The following TAFA4 variants were observed in gnomAD, a reference collection of about 807,000 sequenced individuals.
TAFA4 encodes the protein TAFA chemokine like family member 4, also known as chemokine-like protein TAFA-4.
A neutral mutation model predicts 21.1 loss-of-function variants in TAFA4; 20 were observed. That is an observed-to-expected ratio of 0.95 (90% CI 0.67 to 1.38). The LOEUF (loss-of-function observed/expected upper bound fraction) is 1.38, where lower values mean the gene tolerates loss of function less well. Among genes scored for constraint, TAFA4 ranks in the 40% most tolerant of loss-of-function variants. The pLI, the probability that TAFA4 is intolerant of heterozygous loss-of-function variation, is 0.00. For missense variants in TAFA4, 211 were observed against 180.9 expected (o/e 1.17, Z -0.95); for synonymous variants, 71 against 67.4 (o/e 1.05, Z -0.26).
At chr3:68,827,525 C>G (rs1361604962) in intron 3 of TAFA4, among the ~76,000 whole-genome samples, 4 of 152,222 alleles carry the variant, frequency 2.6e-5, no homozygotes, top group Admixed American at 2.0e-4. Context: ...CTTCCTATTT[C>G]TCCACATCCT....
intron 3 of TAFA4, among the ~76,000 whole-genome samples, chr3:68,808,160 T>C (rs1054478332): frequency 1.3e-5 from 2 of 152,258 alleles, no homozygotes; most frequent in Admixed American, 1.3e-4. Context: ...GTTAAGTTAC[T>C]AGTCAGAGTA....
chr3:68,744,643 A>C (rs1178441770), intron 4 of TAFA4, among the ~76,000 whole-genome samples: 1 of 152,174 alleles, frequency 6.6e-6, no homozygotes, highest in Admixed American at 6.5e-5. Flanking sequence ...GCCAAAACCT[A>C]GAAAAGGAGC....
chr3:68,917,871 C>G (rs1286407951), intron 1 of TAFA4, among the ~76,000 whole-genome samples: 1 of 151,922 alleles, frequency 6.6e-6, no homozygotes, highest in African/African-American at 2.4e-5. Flanking sequence ...CTCTGACACC[C>G]AGTTTGTGGA....
chr3:68,902,473 T>A (rs1422111685), intron 1 of TAFA4, among the ~76,000 whole-genome samples: 2 of 152,054 alleles, frequency 1.3e-5, no homozygotes, highest in Non-Finnish European at 2.9e-5. Flanking sequence ...GACCAAGTGA[T>A]CCTCCCACCT....
intron 3 of TAFA4, among the ~76,000 whole-genome samples, chr3:68,822,759 A>G (rs1704141881): frequency 6.6e-6 from 1 of 152,206 alleles, no homozygotes; most frequent in Non-Finnish European, 1.5e-5. Flanking sequence ...GGCATGAGCC[A>G]CTGCGCCTGG....
At chr3:68,910,815 C>T (rs2089954140) in intron 1 of TAFA4, among the ~76,000 whole-genome samples, 1 of 152,180 alleles carries the variant, frequency 6.6e-6, no homozygotes, top group Admixed American at 6.5e-5. Flanking sequence ...TAGTTCAGCA[C>T]CAAATCTCAT....
At chr3:68,824,473 C>T (rs963031377) in intron 3 of TAFA4, among the ~76,000 whole-genome samples, 2 of 152,212 alleles carry the variant, frequency 1.3e-5, no homozygotes, top group African/African-American at 2.4e-5. Flanking sequence ...TTCCACCTCT[C>T]CTGCCTCCTC....
At chr3:68,767,442 T>C (rs186609661) in intron 3 of TAFA4, among the ~76,000 whole-genome samples, 15 of 152,058 alleles carry the variant, frequency 9.9e-5, no homozygotes, top group Admixed American at 9.2e-4. Context: ...CATTTACACA[T>C]GCAAATAAAG....
At chr3:68,870,820 T>C (rs916513046) in intron 3 of TAFA4, among the ~76,000 whole-genome samples, 1 of 152,076 alleles carries the variant, frequency 6.6e-6, no homozygotes, top group African/African-American at 2.4e-5. Context: ...CACTTATGAG[T>C]GAGAACATGC....
chr3:68,784,284 G>C (rs1202726388), intron 3 of TAFA4, among the ~76,000 whole-genome samples: 1 of 152,202 alleles, frequency 6.6e-6, no homozygotes, highest in South Asian at 2.1e-4. Context: ...AGTGTGTCCG[G>C]AATTGGTGGG....
intron 1 of TAFA4, among the ~76,000 whole-genome samples, chr3:68,909,572 A>T (rs1159217393): frequency 6.6e-6 from 1 of 152,176 alleles, no homozygotes; most frequent in Non-Finnish European, 1.5e-5. Flanking sequence ...AGCCCCAAGG[A>T]GCTGGCTGAC....
intron 3 of TAFA4, among the ~76,000 whole-genome samples, chr3:68,797,410 G>A (rs534082580): frequency 7.9e-5 from 12 of 152,040 alleles, no homozygotes; most frequent in South Asian, 2.1e-4. Flanking sequence ...TCAGGAGAAC[G>A]AGACCATCCT....
intron 3 of TAFA4, among the ~76,000 whole-genome samples, chr3:68,772,814 TC>T (rs1702982834): frequency 6.6e-6 from 1 of 152,032 alleles, no homozygotes; most frequent in African/African-American, 2.4e-5. Flanking sequence ...ATGAGCCAGT[TC>T]CCCTAATAAT....
In TAFA4 at chr3:68,795,940, C is replaced by G. The variant is rs6804313; in HGVS notation, c.131-42922G>C. ...TGGGGCACCCCAAGCCCAGTAACACCGTGATTCTTGCACACTTGTAAAGTA... is the reference window on the plus strand; with the variant it reads ...TGGGGCACCCCAAGCCCAGTAACACGGTGATTCTTGCACACTTGTAAAGTA... On this transcript the variant is annotated intron_variant, in intron 3 of 5. Transcript: ENST00000295569. Among the ~76,000 whole-genome samples the G allele has an allele frequency of 6.7e-3, 1,023 of 152,250 alleles. 13 individuals carry two copies. Among genetic ancestry groups the G allele is most frequent in the African/African-American group, 0.024 (991 of 41,542 alleles).
chr3:68,841,808 G>C (rs1051975429), intron 3 of TAFA4, among the ~76,000 whole-genome samples: 1 of 151,626 alleles, frequency 6.6e-6, no homozygotes, highest in East Asian at 1.9e-4. Context: ...TTGGTTATTC[G>C]TCCTTGTGAT....
At chr3:68,844,298 T>G (rs6796734) in intron 3 of TAFA4, among the ~76,000 whole-genome samples, 50,775 of 151,980 alleles carry the variant, frequency 0.33, 8,788 homozygotes, top group Non-Finnish European at 0.38. Context: ...TTCTAGTTTA[T>G]TTGCATAGAG....
intron 3 of TAFA4, among the ~76,000 whole-genome samples, chr3:68,848,410 T>C (rs1415144944): frequency 6.6e-6 from 1 of 152,218 alleles, no homozygotes; most frequent in Non-Finnish European, 1.5e-5. Context: ...TTTCATTTTT[T>C]AGTTCTTTAG....
intron 4 of TAFA4, among the ~76,000 whole-genome samples, chr3:68,745,014 G>GTTTC (rs1212211359): frequency 6.6e-6 from 1 of 152,178 alleles, no homozygotes; most frequent in Non-Finnish European, 1.5e-5. Context: ...CCATGATGGA[G>GTTTC]TTTCTTTGTG....
rs79482344 is a variant in TAFA4, at chr3:68,861,853, G to A, written c.130+18877C>T. Among the ~76,000 whole-genome samples, 67 of 152,204 alleles carry A rather than the reference G, an allele frequency of 4.4e-4. 1 individual carries two copies. The East Asian group carries it at 0.011, about 26-fold the overall frequency. On this transcript the variant is annotated intron_variant, in intron 3 of 5. Transcript: ENST00000295569. ...TGGAAATGCACACTGAGAAGACGAA[G>A]GTGGGTAATGGACATGTGATTTACT...
Sources: allele counts gnomAD v4.1 joint callset (sites outside exome capture counted in the v4.1 genomes callset), GRCh38; gene constraint gnomAD v4.1.1; transcripts MANE v1.5; gene names NCBI Gene and HGNC (gene_info 2026-07-23, HGNC 2026-07-21).